The following TBX15 variants were observed in gnomAD, a reference collection of about 807,000 sequenced individuals.
The protein encoded by TBX15 is T-box transcription factor 15.
A neutral mutation model predicts 53.9 loss-of-function variants in TBX15; 18 were observed. The ratio of observed to expected loss-of-function variants is 0.33; its 90% CI spans 0.23 to 0.49. The LOEUF (loss-of-function observed/expected upper bound fraction) is 0.49. Among genes scored for constraint, TBX15 ranks in the 20% least tolerant of loss-of-function variants. The probability of loss-of-function intolerance (pLI) is 0.98; values close to 1 mark genes in which losing one functional copy is unlikely to be tolerated. For synonymous variants in TBX15, 295 were observed against 278.0 expected (o/e 1.06, Z -0.61); for missense variants, 692 against 749.5 (o/e 0.92, Z 0.90).
intron 7 of TBX15, among the ~76,000 whole-genome samples, chr1:118,893,364 A>G (rs56030193): frequency 0.014 from 705 of 50,384 alleles, 18 homozygotes; most frequent in African/African-American, 0.05. Context: ...AAGGAAAGAA[A>G]GAAAGAAAGA....
At chr1:118,962,785 CAAT>C (rs1441400420) in intron 1 of TBX15, among the ~76,000 whole-genome samples, 2 of 152,096 alleles carry the variant, frequency 1.3e-5, no homozygotes, top group Admixed American at 1.3e-4. Flanking sequence ...AAATTGGTGA[CAAT>C]GATGATCTTT....
At chr1:118,892,676 C>T (rs1196070302) in intron 7 of TBX15, among the ~76,000 whole-genome samples, 1 of 152,060 alleles carries the variant, frequency 6.6e-6, no homozygotes, top group Non-Finnish European at 1.5e-5. Context: ...GTTTTTTCTC[C>T]TACTGGGTTT....
Position 118,987,751 on chromosome 1 carries a change from T to A in TBX15, c.45A>T (p.Ala15=), listed in dbSNP as rs1012529449. The part of the protein sequence containing the change: ...RRSAVALSSR[A]HAFSVEALIG... ...TCAAGGCTTCAACGGAGAAGGCATG[T>A]GCTCGCGAGCTCAGGGCGACTGCAG... Residue 15 remains alanine, a synonymous_variant, in exon 1 of 8, where the codon GCA becomes GCT. Transcript: ENST00000369429. 1.0e-5 allele frequency: 16 copies of A among 1,550,344 alleles called. No individual in the cohort carries two copies. Among genetic ancestry groups the A allele is most frequent in the Non-Finnish European group, 1.1e-5 (13 of 1,146,838 alleles).
chr1:118,916,243 G>A (rs1326097665), intron 5 of TBX15, among the ~76,000 whole-genome samples: 3 of 152,150 alleles, frequency 2.0e-5, no homozygotes, highest in Non-Finnish European at 4.4e-5. Flanking sequence ...TCACAATAAA[G>A]GCAAAGTACC....
intron 6 of TBX15, among the ~76,000 whole-genome samples, chr1:118,911,494 C>T (rs970834312): frequency 1.3e-5 from 2 of 152,172 alleles, no homozygotes; most frequent in African/African-American, 4.8e-5. Context: ...CAGTCACCAG[C>T]CTTCAGGCCA....
At position 118,910,593 on chromosome 1, in the gene TBX15, G is replaced by T. The variant is rs532204755; in HGVS notation, c.926+3522C>A. Among the ~76,000 whole-genome samples the T allele has an allele frequency of 3.7e-4, 56 of 152,236 alleles. No individual in the cohort carries two copies. In the South Asian group the frequency reaches 0.011, roughly 31 times the overall value. On this transcript the variant is annotated intron_variant, in intron 6 of 7. Coordinates refer to ENST00000369429, the MANE Select transcript of TBX15 (RefSeq NM_001330677.2). ...CTGCAAGGTGGCATTAATAATTGTT[G>T]CCCTTATCAGATCCTGTGGGTAGCC...
intron 1 of TBX15, among the ~76,000 whole-genome samples, chr1:118,963,530 A>T (rs1330282773): frequency 1.3e-5 from 2 of 152,198 alleles, no homozygotes; most frequent in African/African-American, 4.8e-5. Context: ...GAACTGTGAC[A>T]TATTTAACTT....
At chr1:118,898,989 G>T in intron 7 of TBX15, 39 bp downstream of exon 7, 1 of 1,597,410 alleles carries the variant, frequency 6.3e-7, no homozygotes, top group South Asian at 1.1e-5. Flanking sequence ...TCTGTCCCTG[G>T]CCCTATCACT....
chr1:118,907,100 T>C (rs1654860816), intron 6 of TBX15, among the ~76,000 whole-genome samples: 1 of 152,168 alleles, frequency 6.6e-6, no homozygotes, highest in Admixed American at 6.5e-5. Context: ...TTCCCTGGGC[T>C]ACAGAAGGGC....
intron 1 of TBX15, among the ~76,000 whole-genome samples, chr1:118,966,018 A>G (rs2799758): frequency 0.025 from 3,834 of 152,222 alleles, 175 homozygotes; most frequent in African/African-American, 0.088. Context: ...TATGCTTCTC[A>G]CTGTTCATTT....
intron 1 of TBX15, among the ~76,000 whole-genome samples, chr1:118,932,171 C>T (rs1557889457): frequency 6.6e-6 from 1 of 152,042 alleles, no homozygotes; most frequent in Non-Finnish European, 1.5e-5. Context: ...ACTGGGGCAA[C>T]AAAATAAATG....
At chr1:118,898,948 C>T in intron 7 of TBX15, 80 bp downstream of exon 7, 2 of 1,406,820 alleles carry the variant, frequency 1.4e-6, no homozygotes, top group South Asian at 1.2e-5. Context: ...TGGCCTGAGG[C>T]CAGATGTGCT....
At chr1:118,915,399 A>T (rs1655184859) in intron 5 of TBX15, among the ~76,000 whole-genome samples, 1 of 152,206 alleles carries the variant, frequency 6.6e-6, no homozygotes, top group Admixed American at 6.5e-5. Flanking sequence ...AAGGTCTTTC[A>T]AAGCAATGTG....
intron 7 of TBX15, among the ~76,000 whole-genome samples, chr1:118,886,011 C>T (rs1157468989): frequency 6.6e-6 from 1 of 152,130 alleles, no homozygotes; most frequent in South Asian, 2.1e-4. Flanking sequence ...ATGCAGGACA[C>T]CAACGCGGGA....
intron 6 of TBX15, among the ~76,000 whole-genome samples, chr1:118,910,201 T>A (rs1159954991): frequency 6.6e-6 from 1 of 152,154 alleles, no homozygotes; most frequent in Non-Finnish European, 1.5e-5. Context: ...AACTCCAAAG[T>A]CTTCCACAAA....
At chr1:118,904,518 G>T (rs1356473328) in intron 6 of TBX15, among the ~76,000 whole-genome samples, 1 of 152,160 alleles carries the variant, frequency 6.6e-6, no homozygotes, top group Admixed American at 6.5e-5. Flanking sequence ...ACATGATGAA[G>T]TAGCTGTCAT....
chr1:118,914,027 T>C, intron 6 of TBX15, 88 bp downstream of exon 6: 2 of 1,406,230 alleles, frequency 1.4e-6, no homozygotes, highest in Non-Finnish European at 2.0e-6. Flanking sequence ...AGGTGTTTTC[T>C]AAAAGGCAGG....
At chr1:118,926,698 T>C in intron 2 of TBX15, 87 bp from the exon 3 acceptor site, 1 of 1,159,856 alleles carries the variant, frequency 8.6e-7, no homozygotes, top group East Asian at 2.5e-5. Context: ...GGTTTTTTTG[T>C]TTGTTTGTTT....
chr1:118,887,215 C>G (rs188963198), intron 7 of TBX15, among the ~76,000 whole-genome samples: 1 of 152,318 alleles, frequency 6.6e-6, no homozygotes, highest in African/African-American at 2.4e-5. Context: ...TTAGGAGTTT[C>G]CCAGCATTGT....
Sources: allele counts gnomAD v4.1 joint callset (sites outside exome capture counted in the v4.1 genomes callset), GRCh38; gene constraint gnomAD v4.1.1; transcripts MANE v1.5; gene names NCBI Gene and HGNC (gene_info 2026-07-23, HGNC 2026-07-21).